The following L3HYPDH variants were observed in gnomAD, a reference collection of about 807,000 sequenced individuals.
L3HYPDH encodes the protein trans-3-hydroxy-L-proline dehydratase.
A neutral mutation model predicts 26.5 loss-of-function variants in L3HYPDH; 32 were observed. That is an observed-to-expected ratio of 1.21 (90% CI 0.91 to 1.62). L3HYPDH has a LOEUF of 1.62. L3HYPDH is among the 40% of genes most tolerant of loss of function. The probability of loss-of-function intolerance (pLI) is 0.00; values close to 1 mark genes in which losing one functional copy is unlikely to be tolerated. For missense variants in L3HYPDH, 554 were observed against 476.4 expected, an observed-to-expected ratio of 1.16 and a Z score of -1.52; for synonymous variants, 215 against 196.6, an observed-to-expected ratio of 1.09 and a Z score of -0.78.
intron 4 of L3HYPDH, among the ~76,000 whole-genome samples, chr14:59,474,180 CCCTGAAGG>C (rs1889461508): frequency 6.6e-6 from 1 of 152,088 alleles, no homozygotes; most frequent in South Asian, 2.1e-4. Context: ...ACTGCTTGAA[CCCTGAAGG>C]CTGGGGGGTA....
chr14:59,491,332 C>T, the L3HYPDH span, among the ~76,000 whole-genome samples: 1 of 152,194 alleles, frequency 6.6e-6, no homozygotes, highest in African/African-American at 2.4e-5. Context: ...GACAAAAAGA[C>T]TCAAAATTAG....
chr14:59,505,155 A>T, the L3HYPDH span: 1 of 600,670 alleles, frequency 1.7e-6, no homozygotes, highest in Non-Finnish European at 2.7e-6. Context: ...GACTTCTATT[A>T]ACAGCTGCAA....
At chr14:59,494,596 C>T in the L3HYPDH span, among the ~76,000 whole-genome samples, 1 of 152,164 alleles carries the variant, frequency 6.6e-6, no homozygotes, top group African/African-American at 2.4e-5. Context: ...AAGGGAGAGA[C>T]AGAGGTATGG....
intron 4 of L3HYPDH, among the ~76,000 whole-genome samples, chr14:59,473,550 G>A (rs551459954): frequency 2.0e-5 from 3 of 152,296 alleles, no homozygotes; most frequent in African/African-American, 7.2e-5. Context: ...AATGGGGAGA[G>A]AAAGGAAGAG....
At chr14:59,499,499 C>T in the L3HYPDH span, among the ~76,000 whole-genome samples, 1 of 152,008 alleles carries the variant, frequency 6.6e-6, no homozygotes, top group South Asian at 2.1e-4. Context: ...ACCATTAATT[C>T]ATTTGTTTAG....
chr14:59,490,886 G>A, the L3HYPDH span, among the ~76,000 whole-genome samples: 3 of 152,184 alleles, frequency 2.0e-5, no homozygotes, highest in African/African-American at 2.4e-5. Context: ...CACCAAATGC[G>A]TTTGAATTCA....
the L3HYPDH span, chr14:59,501,007 T>C: frequency 1.8e-6 from 1 of 541,836 alleles, no homozygotes; most frequent in Non-Finnish European, 3.2e-6. Flanking sequence ...GCTGAAACTA[T>C]TTACTATCTT....
At chr14:59,500,127 T>C in the L3HYPDH span, among the ~76,000 whole-genome samples, 331 of 152,332 alleles carry the variant, frequency 2.2e-3, 1 homozygote, top group African/African-American at 6.9e-3. Flanking sequence ...TAGCTACTTA[T>C]AAGTTAAGTA....
At chr14:59,483,389 A>T in intron 1 of L3HYPDH, 1 of 435,102 alleles carries the variant, frequency 2.3e-6, no homozygotes, top group Non-Finnish European at 3.2e-6. Context: ...CAGGTTTAGT[A>T]ACTTATTAAG....
chr14:59,485,449 CT>C, upstream of L3HYPDH: 1 of 221,254 alleles, frequency 4.5e-6, no homozygotes, highest in Non-Finnish European at 8.8e-6. Flanking sequence ...TGCTGTTTCT[CT>C]TTTTCTCTCA....
downstream of L3HYPDH, among the ~76,000 whole-genome samples, chr14:59,471,347 G>A (rs1017037002): frequency 2.6e-5 from 4 of 152,170 alleles, no homozygotes; most frequent in African/African-American, 9.7e-5. Flanking sequence ...GAAAATACTA[G>A]ACTTGGAGTC....
At position 59,483,920 on chromosome 14, in the gene L3HYPDH, C is replaced by T; in HGVS notation, c.397G>A (p.Val133Ile). The T allele has an allele frequency of 6.4e-7, 1 of 1,552,982 alleles. No homozygotes were observed. Among genetic ancestry groups the T allele is most frequent in the Non-Finnish European group, 8.7e-7 (1 of 1,154,948 alleles). Residue 133 changes from valine (V) to isoleucine (I), a missense_variant, in exon 1 of 5, where the codon GTC becomes ATC. Physicochemically the swap from Val to Ile is conservative, Grantham distance 29. Coordinates refer to ENST00000247194, the MANE Select transcript of L3HYPDH (RefSeq NM_144581.2). ...AGCCCGCAGGGGCAGTGGATATTGACGCGGGCCTCGCGGGTGCCCGCAGGG... is the reference window on the plus strand; with the variant it reads ...AGCCCGCAGGGGCAGTGGATATTGATGCGGGCCTCGCGGGTGCCCGCAGGG... ...APPAGTREAR[V>I]NIHCPCGLVT...
chr14:59,481,045 A>T (rs1889984366), intron 1 of L3HYPDH, among the ~76,000 whole-genome samples: 1 of 152,160 alleles, frequency 6.6e-6, no homozygotes, highest in African/African-American at 2.4e-5. Context: ...CTGGTTCAGG[A>T]GAAGTCATCC....
At chr14:59,495,486 G>C in the L3HYPDH span, among the ~76,000 whole-genome samples, 2 of 151,980 alleles carry the variant, frequency 1.3e-5, no homozygotes. Flanking sequence ...CATATAGGAG[G>C]CACTTTATAG....
chr14:59,505,062 G>A, the L3HYPDH span: 2 of 405,934 alleles, frequency 4.9e-6, no homozygotes, highest in Admixed American at 8.1e-5. Flanking sequence ...ACCTGACCAT[G>A]TTTATCCATT....
At chr14:59,492,216 G>T in the L3HYPDH span, among the ~76,000 whole-genome samples, 15 of 151,762 alleles carry the variant, frequency 9.9e-5, no homozygotes, top group Non-Finnish European at 1.8e-4. Context: ...GGGAAGAAAA[G>T]GAAACTTTTA....
At chr14:59,487,664 T>C (rs1226334011), upstream of L3HYPDH, 2 of 1,604,458 alleles carry the variant, frequency 1.2e-6, no homozygotes, top group Admixed American at 3.3e-5. Flanking sequence ...ATTGGTTTTA[T>C]ATATTATAGG....
At chr14:59,481,647 G>A (rs1264425922) in intron 1 of L3HYPDH, among the ~76,000 whole-genome samples, 2 of 152,188 alleles carry the variant, frequency 1.3e-5, no homozygotes, top group African/African-American at 4.8e-5. Context: ...AGAAGTACAA[G>A]GAATAAAACA....
downstream of L3HYPDH, among the ~76,000 whole-genome samples, chr14:59,472,371 C>T (rs1427068328): frequency 6.6e-6 from 1 of 152,198 alleles, no homozygotes; most frequent in East Asian, 1.9e-4. Flanking sequence ...AGTTGGTCTT[C>T]TCAGCATCAG....
Sources: allele counts gnomAD v4.1 joint callset (sites outside exome capture counted in the v4.1 genomes callset), GRCh38; gene constraint gnomAD v4.1.1; transcripts MANE v1.5; gene names NCBI Gene and HGNC (gene_info 2026-07-23, HGNC 2026-07-21).